Variants in PCNX4 observed in about 807,000 individuals in gnomAD.
The protein encoded by PCNX4 is pecanex-like protein 4.
A neutral mutation model predicts 107.2 loss-of-function variants in PCNX4; 103 were observed. That is an observed-to-expected ratio of 0.96 (90% confidence interval 0.82 to 1.13). PCNX4 has a LOEUF of 1.13. Among genes scored for constraint, PCNX4 ranks in the 50% most tolerant of loss-of-function variants. The pLI is 0.00. For synonymous variants in PCNX4, 541 were observed against 481.7 expected (o/e 1.12, Z -1.61); for missense variants, 1,528 against 1,379.4 (o/e 1.11, Z -1.71).
chr14:60,116,932 G>A (rs1462354393), intron 6 of PCNX4, among the ~76,000 whole-genome samples: 1 of 151,832 alleles, frequency 6.6e-6, no homozygotes, highest in Non-Finnish European at 1.5e-5. Context: ...AGTTTTAAAA[G>A]TTAAAAATTT....
At chr14:60,115,615 A>G in intron 4 of PCNX4, 104 bp from the exon 5 acceptor site, 6 of 1,332,540 alleles carry the variant, frequency 4.5e-6, no homozygotes, top group Non-Finnish European at 6.1e-6. Context: ...TTTTTAGTTC[A>G]TCGCTTAAAT....
intron 2 of PCNX4, among the ~76,000 whole-genome samples, chr14:60,113,147 C>T (rs1048849367): frequency 2.0e-5 from 3 of 152,206 alleles, no homozygotes; most frequent in Non-Finnish European, 4.4e-5. Flanking sequence ...CGCCACTGCA[C>T]TCCATCCTGG....
chr14:60,144,950 A>C lies in PCNX4; in HGVS notation c.*10729A>C. On this transcript the variant is annotated 3_prime_UTR_variant, in exon 11 of 11. Transcript: ENST00000406854. ...CATTTCTCCCTCCAGTGGCTTGAAA[A>C]GTACAGGTGCTCTTTTCAGTCATGT... 6.2e-7 allele frequency: 1 copy of C among 1,601,352 alleles called. No individual in the cohort carries two copies. Among genetic ancestry groups the C allele is most frequent in the Non-Finnish European group, 8.5e-7 (1 of 1,170,430 alleles).
Position 60,137,966 on chromosome 14 carries a change from CTG to C in PCNX4, c.*3747_*3748del, listed in dbSNP as rs968960551. ...AATAACCGGGTGTGGTGGTGGGTGC[CTG>C]TAGTCCCAGCTACTCAGGAGGCTGA... On this transcript the variant is annotated 3_prime_UTR_variant, in exon 11 of 11. Coordinates refer to ENST00000406854, the MANE Select transcript of PCNX4 (RefSeq NM_001330177.2). The C allele has an allele frequency of 6.6e-6, 1 of 151,980 alleles. No homozygotes were observed. The highest frequency in any genetic ancestry group is 1.5e-5 in the Non-Finnish European group (1 of 68,064). The allele number at this position is 151,980 out of a possible 1,614,324, so 9.4% of individuals were successfully genotyped here. A position where few individuals can be genotyped will look rare whatever the true frequency, so the allele number is the denominator to read the frequency against.
At chr14:60,122,663 T>A (rs183622860) in intron 8 of PCNX4, among the ~76,000 whole-genome samples, 38 of 152,288 alleles carry the variant, frequency 2.5e-4, no homozygotes, top group African/African-American at 9.1e-4. Flanking sequence ...CTTATTAGTT[T>A]TACTGGTGAT....
At chr14:60,116,946 A>G (rs1376868739) in intron 6 of PCNX4, among the ~76,000 whole-genome samples, 3 of 152,136 alleles carry the variant, frequency 2.0e-5, no homozygotes, top group Admixed American at 1.3e-4. Context: ...AAAATTTTTA[A>G]ATAGAAAAAA....
At position 60,107,570 on chromosome 14, in the gene PCNX4, A is replaced by C. The variant is rs1566931440; in HGVS notation, c.-53-16A>C. 4 of 1,362,420 alleles carry C rather than the reference A, an allele frequency of 2.9e-6. No homozygotes were observed. The highest frequency in any genetic ancestry group is 4.0e-6 in the Non-Finnish European group (4 of 1,003,096). 84.4% of individuals were successfully genotyped at this position (1,362,420 alleles called of 1,614,324 possible). A position where few individuals can be genotyped will look rare whatever the true frequency, so the allele number is the denominator to read the frequency against. Reference sequence around the variant, plus strand: ...ACATTTTCAAACAGTGACTTTTTTTAATTTTTATTTTTTAGAAACTGCTGT... The same window carrying C: ...ACATTTTCAAACAGTGACTTTTTTTCATTTTTATTTTTTAGAAACTGCTGT... On this transcript the variant is annotated splice_polypyrimidine_tract_variant and intron_variant, in intron 1 of 10. Coordinates refer to ENST00000406854, the MANE Select transcript of PCNX4 (RefSeq NM_001330177.2).
chr14:60,125,927 TG>T (rs1896047855), intron 10 of PCNX4, 104 bp downstream of exon 10: 2 of 754,772 alleles, frequency 2.6e-6, no homozygotes, highest in Non-Finnish European at 3.8e-6. Context: ...GTTATAGCTG[TG>T]ATATATTAAT....
chr14:60,142,752 C>T lies in PCNX4; in HGVS notation c.*8531C>T, dbSNP rs1896321257. On this transcript the variant is annotated 3_prime_UTR_variant, in exon 11 of 11. Coordinates refer to ENST00000406854, the MANE Select transcript of PCNX4 (RefSeq NM_001330177.2). The surrounding 1 kb of genome is among the most constrained non-coding windows in gnomAD (Gnocchi z 4.7). ...CCAGGGCGGGTGGATCATTTGAGGT[C>T]AGGAGTTTGAGACCAGCCTGGCCAA... is the stretch of plus-strand genomic sequence containing the variant. The T allele has an allele frequency of 6.6e-6, 1 of 152,386 alleles. No individual in the cohort carries two copies. The highest frequency in any genetic ancestry group is 1.5e-5 in the Non-Finnish European group (1 of 68,282). The allele number at this position is 152,386 out of a possible 1,614,324, so 9.4% of individuals were successfully genotyped here. A position where few individuals can be genotyped will look rare whatever the true frequency, so the allele number is the denominator to read the frequency against.
rs1896209168 is a variant in PCNX4, at chr14:60,134,278, A to G, written c.*57A>G. The stretch of plus-strand genomic sequence containing the variant: ...AATGTTTTTATTTTTTCATCCTAAA[A>G]AAGTAACTGTGATTCTTGTAACTTG... On this transcript the variant is annotated 3_prime_UTR_variant, in exon 11 of 11. Transcript: ENST00000406854. 4 of 1,575,486 alleles carry G rather than the reference A, an allele frequency of 2.5e-6. No homozygotes were observed. Among genetic ancestry groups the G allele is most frequent in the Non-Finnish European group, 3.5e-6 (4 of 1,154,636 alleles).
intron 2 of PCNX4, among the ~76,000 whole-genome samples, chr14:60,113,105 C>T (rs1230170999): frequency 2.6e-5 from 4 of 152,090 alleles, no homozygotes; most frequent in African/African-American, 9.7e-5. Context: ...CGCTTGAACC[C>T]GGGAGGCAGA....
intron 10 of PCNX4, among the ~76,000 whole-genome samples, chr14:60,132,832 A>G (rs1896179654): frequency 6.6e-6 from 1 of 152,218 alleles, no homozygotes; most frequent in Non-Finnish European, 1.5e-5. Flanking sequence ...CAAGTTGCCA[A>G]TAAGTACATG....
At chr14:60,112,312 A>G (rs1333386138) in intron 2 of PCNX4, among the ~76,000 whole-genome samples, 1 of 152,172 alleles carries the variant, frequency 6.6e-6, no homozygotes, top group East Asian at 1.9e-4. Context: ...AATTTGAAAC[A>G]TTTTTATAGC....
Position 60,116,055 on chromosome 14 carries a change from T to C in PCNX4, c.1573T>C (p.Leu525=), listed in dbSNP as rs1388426394. Residue 525 remains leucine (L), a synonymous_variant, in exon 6 of 11, where the codon TTA becomes CTA. Transcript: ENST00000406854. ...AAGCCTGGATACAGGACTCAGACTC[T>C]TACTGGTAAGTGTGTCTTTTAACAG... The part of the protein sequence containing the change: ...NRSLDTGLRL[L]LVGIIRDRLI... 1.2e-6 allele frequency: 2 copies of C among 1,604,090 alleles called. No individual in the cohort carries two copies. The highest frequency in any genetic ancestry group is 2.3e-5 in the South Asian group (2 of 88,710).
intron 1 of PCNX4, among the ~76,000 whole-genome samples, chr14:60,097,602 T>C (rs1475736270): frequency 6.6e-6 from 1 of 152,200 alleles, no homozygotes; most frequent in Non-Finnish European, 1.5e-5. Flanking sequence ...GGGAATGTTG[T>C]TTCTATCTCA....
At chr14:60,101,168 T>G (rs160226) in intron 1 of PCNX4, among the ~76,000 whole-genome samples, 113,982 of 152,100 alleles carry the variant, frequency 0.75, 44,806 homozygotes, top group Non-Finnish European at 0.87. Context: ...GGAAGCCCCT[T>G]CTTTGAGTTG....
At chr14:60,113,117 G>A (rs1258772217) in intron 2 of PCNX4, among the ~76,000 whole-genome samples, 2 of 152,242 alleles carry the variant, frequency 1.3e-5, no homozygotes, top group Admixed American at 1.3e-4. Flanking sequence ...GGAGGCAGAC[G>A]TTGCAGTGAG....
At chr14:60,128,235 C>T (rs951380074) in intron 10 of PCNX4, among the ~76,000 whole-genome samples, 3 of 152,076 alleles carry the variant, frequency 2.0e-5, no homozygotes, top group South Asian at 2.1e-4. Context: ...TCCACACATC[C>T]GGGAACTTCA....
chr14:60,109,157 A>G (rs1327329418), intron 2 of PCNX4: 1 of 167,094 alleles, frequency 6.0e-6, no homozygotes, highest in Non-Finnish European at 1.5e-5. Flanking sequence ...ATCTAAGGAC[A>G]CAGCAAAAAT....
Sources: allele counts gnomAD v4.1 joint callset (sites outside exome capture counted in the v4.1 genomes callset), GRCh38; gene constraint gnomAD v4.1.1; non-coding constraint Gnocchi (gnomAD v3.1); transcripts MANE v1.5; gene names NCBI Gene and HGNC (gene_info 2026-07-23, HGNC 2026-07-21).